The following PPIP5K2 variants were observed in gnomAD, a reference collection of about 807,000 sequenced individuals.
The protein encoded by PPIP5K2 is diphosphoinositol pentakisphosphate kinase 2, also known as inositol hexakisphosphate and diphosphoinositol-pentakisphosphate kinase 2.
Under a neutral mutation model 154.6 loss-of-function variants are expected in PPIP5K2, and 105 were observed. The observed-to-expected ratio is 0.68, with a 90% CI of 0.58 to 0.80. PPIP5K2 has a LOEUF of 0.80. Ranked by LOEUF, PPIP5K2 falls within the 30% of genes least tolerant of loss-of-function variation. The pLI, the probability that PPIP5K2 is intolerant of heterozygous loss-of-function variation, is 0.00. For synonymous variants in PPIP5K2, 480 were observed against 490.3 expected (o/e 0.98, Z 0.28); for missense variants, 992 against 1,504.6 (o/e 0.66, Z 5.64).
At chr5:103,193,910 C>T (rs1554227655) in intron 29 of PPIP5K2, among the ~76,000 whole-genome samples, 1 of 152,144 alleles carries the variant, frequency 6.6e-6, no homozygotes, top group Non-Finnish European at 1.5e-5. Flanking sequence ...ATCCCTACTT[C>T]TCCTTTTTAC....
At position 103,211,819 on chromosome 5, in the gene PPIP5K2, T is replaced by C. The variant is rs1554232598; in HGVS notation, c.*10185T>C. 6.6e-6 allele frequency: 1 copy of C among 152,094 alleles called. No homozygotes were observed. The highest frequency in any genetic ancestry group is 2.4e-5 in the African/African-American group (1 of 41,424). 9.4% of individuals were successfully genotyped at this position (152,094 alleles called of 1,614,324 possible). A position where few individuals can be genotyped will look rare whatever the true frequency, so the allele number is the denominator to read the frequency against. On this transcript the variant is annotated 3_prime_UTR_variant, in exon 31 of 31. Coordinates refer to ENST00000358359, the MANE Select transcript of PPIP5K2 (RefSeq NM_001276277.3). ...GGAACCAAGTGCTCAAAAGCAGTCATAAAGTTCATGGCAAAATAACCCACA... is the reference window on the plus strand; with the variant it reads ...GGAACCAAGTGCTCAAAAGCAGTCACAAAGTTCATGGCAAAATAACCCACA...
At chr5:103,158,000 A>T (rs1041067561) in intron 14 of PPIP5K2, among the ~76,000 whole-genome samples, 188 bp from the exon 15 acceptor site, 1 of 152,232 alleles carries the variant, frequency 6.6e-6, no homozygotes, top group African/African-American at 2.4e-5. Context: ...GCAAGGGAGT[A>T]TTCCTTACAG....
intron 2 of PPIP5K2, among the ~76,000 whole-genome samples, chr5:103,132,907 A>G (rs999910064): frequency 1.3e-5 from 2 of 152,206 alleles, no homozygotes; most frequent in Non-Finnish European, 2.9e-5. Flanking sequence ...AGTTTTGACT[A>G]TGAAGACAGG....
chr5:103,150,843 CTTTTTTTTTTT>C (rs377739666), intron 8 of PPIP5K2, among the ~76,000 whole-genome samples: 1 of 68,064 alleles, frequency 1.5e-5, no homozygotes, highest in Non-Finnish European at 2.7e-5. Flanking sequence ...GTCCATCCTC[CTTTTTTTTTTT>C]TTTTTTTTTT....
Position 103,201,860 on chromosome 5 carries a change from A to G in PPIP5K2, c.*226A>G. On this transcript the variant is annotated 3_prime_UTR_variant, in exon 31 of 31. Transcript: ENST00000358359. ...GTGATAAAAATCGATTGTTGTTAAT[A>G]TGATGTTTACCATGTGCACATAGTA... 2.2e-6 allele frequency: 1 copy of G among 464,646 alleles called. No homozygotes were observed. Among genetic ancestry groups the G allele is most frequent in the South Asian group, 2.6e-5 (1 of 37,882 alleles). 28.8% of individuals were successfully genotyped at this position (464,646 alleles called of 1,614,324 possible).
At chr5:103,135,281 C>T (rs950393735) in intron 3 of PPIP5K2, among the ~76,000 whole-genome samples, 1 of 152,230 alleles carries the variant, frequency 6.6e-6, no homozygotes, top group East Asian at 1.9e-4. Context: ...GTGCTGGTAC[C>T]AGAGGCTTAG....
At chr5:103,135,599 C>A (rs1554203914) in intron 3 of PPIP5K2, among the ~76,000 whole-genome samples, 1 of 152,088 alleles carries the variant, frequency 6.6e-6, no homozygotes, top group East Asian at 1.9e-4. Context: ...TCAGCTGATT[C>A]TTTTGAATTT....
At chr5:103,140,006 CACTT>C (rs1392830669) in intron 5 of PPIP5K2, among the ~76,000 whole-genome samples, 3 of 152,216 alleles carry the variant, frequency 2.0e-5, no homozygotes, top group African/African-American at 7.2e-5. Flanking sequence ...GAATGAAACA[CACTT>C]ACAGGACTAA....
intron 1 of PPIP5K2, among the ~76,000 whole-genome samples, chr5:103,128,083 A>G (rs971243689): frequency 5.9e-5 from 9 of 152,140 alleles, no homozygotes; most frequent in Non-Finnish European, 1.2e-4. Context: ...TATTTTAAAG[A>G]TGGTTAAAGT....
intron 5 of PPIP5K2, among the ~76,000 whole-genome samples, chr5:103,144,385 T>C (rs1562400286): frequency 6.6e-6 from 1 of 151,994 alleles, no homozygotes; most frequent in Non-Finnish European, 1.5e-5. Context: ...TTCAATGCAG[T>C]CAGAATAGCA....
At position 103,180,195 on chromosome 5, in the gene PPIP5K2, A is replaced by C; in HGVS notation, c.2922+7A>C. On this transcript the variant is annotated splice_region_variant and intron_variant, in intron 24 of 30. Transcript: ENST00000358359. ...GAAGACGGCTACAAATGATGTAAGTATATGTATCAGAACACATTTTTCATA... is the reference window on the plus strand; with the variant it reads ...GAAGACGGCTACAAATGATGTAAGTCTATGTATCAGAACACATTTTTCATA... 6.3e-7 allele frequency: 1 copy of C among 1,575,162 alleles called. No homozygotes were observed.
chr5:103,147,063 C>G (rs79952295), intron 6 of PPIP5K2, among the ~76,000 whole-genome samples: 4,035 of 151,784 alleles, frequency 0.027, 84 homozygotes, highest in Non-Finnish European at 0.042. Flanking sequence ...TAATTGTACT[C>G]AAATGCAAAT....
intron 24 of PPIP5K2, among the ~76,000 whole-genome samples, chr5:103,182,082 A>C (rs542403533): frequency 6.6e-6 from 1 of 152,234 alleles, no homozygotes; most frequent in South Asian, 2.1e-4. Context: ...AAAATTTGGG[A>C]AATAAGCTAT....
In PPIP5K2 at chr5:103,211,852, C is replaced by T. The variant is rs1554232602; in HGVS notation, c.*10218C>T. Reference sequence around the variant, plus strand: ...ATGGCAAAATAACCCACATAATTAACTGCTTTGTTACAAAAACTTGGAAAT... The same window carrying T: ...ATGGCAAAATAACCCACATAATTAATTGCTTTGTTACAAAAACTTGGAAAT... On this transcript the variant is annotated 3_prime_UTR_variant, in exon 31 of 31. Coordinates refer to ENST00000358359, the MANE Select transcript of PPIP5K2 (RefSeq NM_001276277.3). 6.6e-6 allele frequency: 1 copy of T among 152,080 alleles called. No homozygotes were observed. Among genetic ancestry groups the T allele is most frequent in the Non-Finnish European group, 1.5e-5 (1 of 67,958 alleles). 9.4% of individuals were successfully genotyped at this position (152,080 alleles called of 1,614,324 possible).
intron 28 of PPIP5K2, among the ~76,000 whole-genome samples, chr5:103,187,782 C>A (rs1800628839): frequency 6.6e-6 from 1 of 152,042 alleles, no homozygotes; most frequent in Admixed American, 6.6e-5. Context: ...GATATTTAAA[C>A]AAAAATACAG....
At chr5:103,156,371 A>T (rs1254483876) in intron 14 of PPIP5K2, among the ~76,000 whole-genome samples, 2 of 152,166 alleles carry the variant, frequency 1.3e-5, no homozygotes, top group African/African-American at 4.8e-5. Flanking sequence ...ACTTTGAAAA[A>T]ATATACAATT....
Position 103,201,754 on chromosome 5 carries a change from G to A in PPIP5K2, c.*120G>A, listed in dbSNP as rs987027329. 1 of 738,960 alleles carries A rather than the reference G, an allele frequency of 1.4e-6. No individual in the cohort carries two copies. The highest frequency in any genetic ancestry group is 1.8e-5 in the African/African-American group (1 of 54,614). The allele number at this position is 738,960 out of a possible 1,614,324, so 45.8% of individuals were successfully genotyped here. A position where few individuals can be genotyped will look rare whatever the true frequency, so the allele number is the denominator to read the frequency against. On this transcript the variant is annotated 3_prime_UTR_variant, in exon 31 of 31. Coordinates refer to ENST00000358359, the MANE Select transcript of PPIP5K2 (RefSeq NM_001276277.3). ...TAAATCTAAGGTTTTCTTTGTTTAT[G>A]TTCAGGTAAGGAACTGTTGTCATGA...
chr5:103,174,192 T>C, intron 21 of PPIP5K2: 1 of 387,318 alleles, frequency 2.6e-6, no homozygotes, highest in South Asian at 4.2e-5. Context: ...TAATATAAAG[T>C]ATTTTAGGTG....
At chr5:103,178,109 A>T in intron 23 of PPIP5K2, 129 bp downstream of exon 23, 1 of 678,312 alleles carries the variant, frequency 1.5e-6, no homozygotes, top group Non-Finnish European at 2.5e-6. Context: ...AATGGTTTAA[A>T]TTTTTTAAAG....
Sources: allele counts gnomAD v4.1 joint callset (sites outside exome capture counted in the v4.1 genomes callset), GRCh38; gene constraint gnomAD v4.1.1; transcripts MANE v1.5; gene names NCBI Gene and HGNC (gene_info 2026-07-23, HGNC 2026-07-21).